Variants in FRAS1 observed in about 807,000 individuals in gnomAD.
FRAS1 encodes the protein extracellular matrix organizing protein FRAS1.
In FRAS1, 290 loss-of-function variants were observed where a neutral mutation model predicts 435.2. The ratio of observed to expected loss-of-function variants is 0.67; its 90% CI spans 0.61 to 0.73. FRAS1 has a LOEUF of 0.73. Ranked by LOEUF, FRAS1 falls within the 30% of genes least tolerant of loss-of-function variation. FRAS1 has a pLI of 0.00. For synonymous variants in FRAS1, 1,800 were observed against 1,851.0 expected (o/e 0.97, Z 0.71); for missense variants, 4,860 against 5,001.5 (o/e 0.97, Z 0.85).
chr4:78,501,881 C>T (rs879840480), intron 61 of FRAS1, among the ~76,000 whole-genome samples: 11 of 152,120 alleles, frequency 7.2e-5, no homozygotes, highest in Admixed American at 5.2e-4. Context: ...TTTAATCCAC[C>T]TTGAATTAAT....
At position 78,541,932 on chromosome 4, in the gene FRAS1, C is replaced by G. The variant is rs59820455; in HGVS notation, c.*808C>G. 1 of 152,172 alleles carries G rather than the reference C, an allele frequency of 6.6e-6. No homozygotes were observed. Among genetic ancestry groups the G allele is most frequent in the Non-Finnish European group, 1.5e-5 (1 of 68,050 alleles). 9.4% of individuals were successfully genotyped at this position (152,172 alleles called of 1,614,324 possible). A position where few individuals can be genotyped will look rare whatever the true frequency, so the allele number is the denominator to read the frequency against. ...CATCCATCCCTGACCAAGGATGCTG[C>G]GAAACAGGATCAATGTACTACGGCC... On this transcript the variant is annotated 3_prime_UTR_variant, in exon 74 of 74. Coordinates refer to ENST00000512123, the MANE Select transcript of FRAS1 (RefSeq NM_025074.7).
At chr4:78,468,703 T>C (rs1455771095) in intron 50 of FRAS1, among the ~76,000 whole-genome samples, 1 of 152,230 alleles carries the variant, frequency 6.6e-6, no homozygotes, top group East Asian at 1.9e-4. Flanking sequence ...CCAGCTCTCC[T>C]GTAGTTCATA....
intron 66 of FRAS1, 94 bp from the exon 67 acceptor site, chr4:78,519,237 A>C: frequency 9.3e-7 from 1 of 1,078,910 alleles, no homozygotes; most frequent in Non-Finnish European, 1.3e-6. Context: ...GTGTGACTAC[A>C]TGGGTGAATG....
In FRAS1 at chr4:78,489,890, G is replaced by A. The variant is rs1720289169; in HGVS notation, c.8958+810G>A. On this transcript the variant is annotated intron_variant, in intron 59 of 73. Coordinates refer to ENST00000512123, the MANE Select transcript of FRAS1 (RefSeq NM_025074.7). ...GCAGATGTTGAGCAAATTGAAGTCA[G>A]CAGAGTATTCTCTTGACAATGTACA... 3.6e-5 allele frequency among the ~76,000 whole-genome samples: 5 copies of A among 140,816 alleles called. 1 individual carries two copies. In the South Asian group the frequency reaches 1.1e-3, roughly 32 times the overall value. The allele number at this position is 140,816 out of a possible 152,430, so 92.4% of individuals were successfully genotyped here.
intron 5 of FRAS1, among the ~76,000 whole-genome samples, chr4:78,254,843 G>A (rs1044965882): frequency 6.6e-6 from 1 of 151,980 alleles, no homozygotes; most frequent in African/African-American, 2.4e-5. Context: ...CCTCCTTTGG[G>A]CCTGGGAATG....
chr4:78,181,508 C>T lies in FRAS1; in HGVS notation c.109-56002C>T. Reference sequence around the variant, plus strand: ...ACGAGAATCAAATCCATCTCCTCGGCCCATTCCACGTCCACGGCCCCCTCG... The same window carrying T: ...ACGAGAATCAAATCCATCTCCTCGGTCCATTCCACGTCCACGGCCCCCTCG... On this transcript the variant is annotated intron_variant, in intron 2 of 73. Transcript: ENST00000512123. 1.9e-6 allele frequency: 3 copies of T among 1,611,664 alleles called. No homozygotes were observed. In the South Asian group the frequency reaches 3.3e-5, roughly 18 times the overall value.
chr4:78,307,542 G>A (rs1437599526), intron 14 of FRAS1, among the ~76,000 whole-genome samples: 2 of 152,228 alleles, frequency 1.3e-5, no homozygotes, highest in Middle Eastern at 3.2e-3. Flanking sequence ...GCCAGGTGCC[G>A]GATTTAATCT....
intron 9 of FRAS1, among the ~76,000 whole-genome samples, chr4:78,274,829 T>C (rs1261946162): frequency 6.6e-6 from 1 of 152,236 alleles, no homozygotes; most frequent in African/African-American, 2.4e-5. Context: ...GTCTATTAGG[T>C]CTGCTTGGTG....
intron 14 of FRAS1, among the ~76,000 whole-genome samples, chr4:78,300,413 A>G (rs1478874130): frequency 6.6e-6 from 1 of 152,218 alleles, no homozygotes; most frequent in Non-Finnish European, 1.5e-5. Context: ...CAGTTAACAA[A>G]ATAGAAATGG....
In FRAS1 at chr4:78,499,871, A is replaced by G; in HGVS notation, c.9266A>G (p.Gln3089Arg). The G allele has an allele frequency of 6.2e-7, 1 of 1,605,760 alleles. No individual in the cohort carries two copies. Among genetic ancestry groups the G allele is most frequent in the Non-Finnish European group, 8.5e-7 (1 of 1,174,412 alleles). Residue 3089 changes from glutamine to arginine, a missense_variant, in exon 61 of 74, where the codon CAG becomes CGG. Physicochemically the swap from Gln to Arg is conservative, Grantham distance 43. Coordinates refer to ENST00000512123, the MANE Select transcript of FRAS1 (RefSeq NM_025074.7). ...VRCSTRDGSA[Q>R]SGVDYYPKSR... ...TGCAGCACGCGGGATGGCTCTGCCC[A>G]GTCTGGTGTGGATTATTACCCAAAG...
At chr4:78,455,425 G>GGC (rs1553962064) in intron 47 of FRAS1, among the ~76,000 whole-genome samples, 1 of 151,812 alleles carries the variant, frequency 6.6e-6, no homozygotes, top group Non-Finnish European at 1.5e-5. Context: ...TGAGGAGGGA[G>GGC]GGGGTTCTGT....
At chr4:78,427,194 G>T (rs369634283) in intron 35 of FRAS1, among the ~76,000 whole-genome samples, 2 of 152,102 alleles carry the variant, frequency 1.3e-5, no homozygotes, top group Non-Finnish European at 2.9e-5. Flanking sequence ...GAGGGGAGCT[G>T]GTGGCTTTCT....
chr4:78,207,694 A>C (rs1285039027), intron 2 of FRAS1, among the ~76,000 whole-genome samples: 1 of 152,202 alleles, frequency 6.6e-6, no homozygotes, highest in Non-Finnish European at 1.5e-5. Context: ...CAGTTTGAAA[A>C]GAATCCAGGT....
intron 67 of FRAS1, among the ~76,000 whole-genome samples, chr4:78,520,540 T>C (rs923439460): frequency 6.6e-6 from 1 of 152,218 alleles, no homozygotes; most frequent in Non-Finnish European, 1.5e-5. Flanking sequence ...CTCAAGTCCC[T>C]CATATAAAAT....
Position 78,372,861 on chromosome 4 carries a change from A to T in FRAS1, c.3010+3A>T. On this transcript the variant is annotated splice_donor_region_variant and intron_variant, in intron 24 of 73. Coordinates refer to ENST00000512123, the MANE Select transcript of FRAS1 (RefSeq NM_025074.7). Reference sequence around the variant, plus strand: ...CCAGGACTCGGGCCTCTGCAAGAGTAAGTGTGTAGAGGCCCTGCTCTGTGC... The same window carrying T: ...CCAGGACTCGGGCCTCTGCAAGAGTTAGTGTGTAGAGGCCCTGCTCTGTGC... 1 of 1,612,068 alleles carries T rather than the reference A, an allele frequency of 6.2e-7. No homozygotes were observed. Among genetic ancestry groups the T allele is most frequent in the Non-Finnish European group, 8.5e-7 (1 of 1,179,522 alleles).
At chr4:78,105,313 A>G (rs1464575093) in intron 2 of FRAS1, among the ~76,000 whole-genome samples, 1 of 152,178 alleles carries the variant, frequency 6.6e-6, no homozygotes, top group Non-Finnish European at 1.5e-5. Flanking sequence ...ATTTTGAAGG[A>G]GATTAAGAGG....
At position 78,387,201 on chromosome 4, in the gene FRAS1, T is replaced by C. The variant is rs547423127; in HGVS notation, c.3649-174T>C. On this transcript the variant is annotated intron_variant, in intron 28 of 73. Transcript: ENST00000512123. ...AGGTGTGAAGTAACCTTAGTTGTTGTGTTCCTGTGAGTGACCACACCTCTG... is the reference window on the plus strand; with the variant it reads ...AGGTGTGAAGTAACCTTAGTTGTTGCGTTCCTGTGAGTGACCACACCTCTG... Among the ~76,000 whole-genome samples, 7 of 152,340 alleles carry C rather than the reference T, an allele frequency of 4.6e-5. No homozygotes were observed. The East Asian group carries it at 1.3e-3, about 29-fold the overall frequency.
chr4:78,319,229 T>G, intron 18 of FRAS1: 1 of 541,276 alleles, frequency 1.8e-6, no homozygotes, highest in Non-Finnish European at 3.4e-6. Flanking sequence ...AAGGTTCCAT[T>G]CGCAGGAGTC....
intron 13 of FRAS1, 102 bp downstream of exon 13, chr4:78,284,650 G>A (rs915136428): frequency 2.8e-6 from 3 of 1,069,770 alleles, no homozygotes; most frequent in African/African-American, 3.2e-5. Flanking sequence ...CAAGGAGGGG[G>A]TCATGCATGC....
Sources: gnomAD v4.1 joint callset for allele counts (sites outside exome capture counted in the v4.1 genomes callset) on GRCh38, gnomAD v4.1.1 for gene constraint, MANE v1.5 for transcripts, NCBI Gene and HGNC (gene_info 2026-07-23, HGNC 2026-07-21) for gene names.